The following NF1 variants were observed in gnomAD, a reference collection of about 807,000 sequenced individuals.
NF1 encodes neurofibromin 1.
A neutral mutation model predicts 325.7 loss-of-function variants in NF1; 122 were observed. The ratio of observed to expected loss-of-function variants is 0.37; its 90% CI spans 0.32 to 0.44. NF1 has a LOEUF of 0.44. NF1 is among the 20% of genes least tolerant of loss of function. The pLI, the probability that NF1 is intolerant of heterozygous loss-of-function variation, is 1.00. For missense variants in NF1, 2,140 were observed against 3,415.4 expected (o/e 0.63, Z 9.31); for synonymous variants, 1,091 against 1,186.0 (o/e 0.92, Z 1.65).
At chr17:31,209,818 A>G (rs2066693658) in intron 12 of NF1, among the ~76,000 whole-genome samples, 1 of 151,910 alleles carries the variant, frequency 6.6e-6, no homozygotes, top group South Asian at 2.1e-4. Context: ...ATGCCAGCTA[A>G]TTTTGTGTTT....
chr17:31,224,504 A>G (rs1011315094), intron 16 of NF1, among the ~76,000 whole-genome samples: 4 of 152,206 alleles, frequency 2.6e-5, no homozygotes, highest in African/African-American at 9.6e-5. Flanking sequence ...ATGTTAATGT[A>G]GTGGAATTTG....
intron 36 of NF1, among the ~76,000 whole-genome samples, chr17:31,289,875 A>C (rs1008175133): frequency 3.9e-5 from 6 of 152,104 alleles, no homozygotes; most frequent in African/African-American, 7.2e-5. Flanking sequence ...CAATATGTGA[A>C]CATGGCCATT....
chr17:31,296,433 T>A (rs2151500255), intron 36 of NF1: 1 of 1,120,258 alleles, frequency 8.9e-7, no homozygotes, highest in Non-Finnish European at 1.4e-6. Context: ...TCAATAAACC[T>A]CGTTGTTGTC....
chr17:31,096,687 T>C (rs1911754014), intron 1 of NF1, among the ~76,000 whole-genome samples: 1 of 152,200 alleles, frequency 6.6e-6, no homozygotes, highest in African/African-American at 2.4e-5. Flanking sequence ...AACATTTCTT[T>C]ACGGGACTCA....
chr17:31,374,355 T>TTTCTTCTAC lies in NF1; in HGVS notation c.*203_*211dup. The TTTCTTCTAC allele has an allele frequency of 1.5e-6, 1 of 666,396 alleles. No homozygotes were observed. Among genetic ancestry groups the TTTCTTCTAC allele is most frequent in the South Asian group, 1.8e-5 (1 of 54,060 alleles). 41.3% of individuals were successfully genotyped at this position (666,396 alleles called of 1,614,324 possible). ...TAATGCTGCCTTTTCTTTAACTTTTTTTCTTCTACTTTTGGCGTGTATCTG... is the reference window on the plus strand; with the variant it reads ...TAATGCTGCCTTTTCTTTAACTTTTTTTCTTCTACTTCTTCTACTTTTGGCGTGTATCTG... On this transcript the variant is annotated 3_prime_UTR_variant, in exon 58 of 58. Transcript: ENST00000358273.
intron 29 of NF1, among the ~76,000 whole-genome samples, chr17:31,248,562 T>C (rs2067439665): frequency 6.6e-6 from 1 of 152,168 alleles, no homozygotes; most frequent in African/African-American, 2.4e-5. Context: ...TGAGATTCAG[T>C]CTTGCCCTTT....
At chr17:31,284,485 A>G (rs1361417426) in intron 36 of NF1, among the ~76,000 whole-genome samples, 4 of 151,882 alleles carry the variant, frequency 2.6e-5, no homozygotes. Flanking sequence ...GGGTTTCACC[A>G]TTTTGGCCAG....
In NF1 at chr17:31,292,896, G is replaced by T. The variant is rs547885581; in HGVS notation, c.4835+27557G>T. On this transcript the variant is annotated intron_variant, in intron 36 of 57. Transcript: ENST00000358273. ...GTTACCTCTAAGATACCTACTTTCA[G>T]GGCAGGCGTGGTGGCTCATGCCTGT... Among the ~76,000 whole-genome samples the T allele has an allele frequency of 1.2e-4, 19 of 152,172 alleles. No homozygotes were observed. The South Asian group carries it at 3.7e-3, about 30-fold the overall frequency.
chr17:31,341,212 G>C (rs2069812653), intron 47 of NF1, among the ~76,000 whole-genome samples: 1 of 151,966 alleles, frequency 6.6e-6, no homozygotes, highest in African/African-American at 2.4e-5. Flanking sequence ...TTTTTATTCT[G>C]TCTAATCTTA....
At chr17:31,243,059 C>T (rs1324600168) in intron 29 of NF1, among the ~76,000 whole-genome samples, 6 of 152,150 alleles carry the variant, frequency 3.9e-5, no homozygotes, top group East Asian at 3.9e-4. Flanking sequence ...ACACTCATAG[C>T]GGTACCACCT....
At chr17:31,197,194 G>A (rs1227154365) in intron 8 of NF1, among the ~76,000 whole-genome samples, 1 of 151,774 alleles carries the variant, frequency 6.6e-6, no homozygotes, top group Non-Finnish European at 1.5e-5. Context: ...ACAGGGACCC[G>A]CCACCATGCC....
chr17:31,131,754 G>A (rs1305223183), intron 1 of NF1, among the ~76,000 whole-genome samples: 1 of 152,108 alleles, frequency 6.6e-6, no homozygotes, highest in Non-Finnish European at 1.5e-5. Context: ...AGATTGGTTT[G>A]TAATTTTCTT....
At chr17:31,318,602 A>G (rs754019695) in intron 36 of NF1, 1 of 1,614,070 alleles carries the variant, frequency 6.2e-7, no homozygotes, top group Non-Finnish European at 8.5e-7. Context: ...ATAATTAAGC[A>G]AATTAGCATA....
intron 8 of NF1, among the ~76,000 whole-genome samples, chr17:31,184,223 C>T (rs1417847273): frequency 6.6e-6 from 1 of 152,174 alleles, no homozygotes; most frequent in African/African-American, 2.4e-5. Flanking sequence ...ATTTGACACT[C>T]CTGATTCACC....
At chr17:31,105,335 A>G (rs1452817652) in intron 1 of NF1, among the ~76,000 whole-genome samples, 3 of 152,242 alleles carry the variant, frequency 2.0e-5, no homozygotes, top group African/African-American at 7.2e-5. Context: ...CTTACCATAA[A>G]TGGTACTAAT....
In NF1 at chr17:31,095,387, G is replaced by A. The variant is rs1598173975; in HGVS notation, c.60+18G>A. On this transcript the variant is annotated intron_variant, in intron 1 of 57. Coordinates refer to ENST00000358273, the MANE Select transcript of NF1 (RefSeq NM_001042492.3). ...ACGAGCAGGTAACCGGCCCGTGGCG[G>A]GCGGGAGGTGGGAGCGGAGTGGGGG... The A allele has an allele frequency of 2.6e-6, 4 of 1,537,952 alleles. No homozygotes were observed. The highest frequency in any genetic ancestry group is 1.4e-5 in the African/African-American group (1 of 73,076).
At chr17:31,308,813 G>T (rs1478316496) in intron 36 of NF1, among the ~76,000 whole-genome samples, 1 of 151,966 alleles carries the variant, frequency 6.6e-6, no homozygotes, top group African/African-American at 2.4e-5. Flanking sequence ...CTCATTTATT[G>T]TTTTTATGGT....
At chr17:31,152,072 C>T (rs1916984117) in intron 1 of NF1, among the ~76,000 whole-genome samples, 1 of 151,914 alleles carries the variant, frequency 6.6e-6, no homozygotes, top group African/African-American at 2.4e-5. Flanking sequence ...GTGATGTTCC[C>T]CTTCCTGTGT....
intron 12 of NF1, among the ~76,000 whole-genome samples, chr17:31,209,646 T>C (rs2066689344): frequency 6.6e-6 from 1 of 152,190 alleles, no homozygotes; most frequent in Admixed American, 6.5e-5. Context: ...CTCTCTTTTT[T>C]TTTCTTCTTG....
Sources: gnomAD v4.1 joint callset for allele counts (sites outside exome capture counted in the v4.1 genomes callset) on GRCh38, gnomAD v4.1.1 for gene constraint, MANE v1.5 for transcripts, NCBI Gene and HGNC (gene_info 2026-07-23, HGNC 2026-07-21) for gene names.